Variants in EIF4G3 observed in about 807,000 individuals in gnomAD.
The protein encoded by EIF4G3 is eIF-4-gamma 3.
EIF4G3 carries 34 observed loss-of-function variants against 186.4 expected under a neutral mutation model. That is an observed-to-expected ratio of 0.18 (90% confidence interval 0.14 to 0.24). The LOEUF (loss-of-function observed/expected upper bound fraction) is 0.24. Ranked by LOEUF, EIF4G3 falls within the 10% of genes least tolerant of loss-of-function variation. The probability of loss-of-function intolerance (pLI) is 1.00; values close to 1 mark genes in which losing one functional copy is unlikely to be tolerated. For missense variants in EIF4G3, 1,536 were observed against 1,948.5 expected, an observed-to-expected ratio of 0.79 and a Z score of 3.99; for synonymous variants, 673 against 679.5, an observed-to-expected ratio of 0.99 and a Z score of 0.15.
intron 14 of EIF4G3, among the ~76,000 whole-genome samples, chr1:20,909,891 C>T (rs910054420): frequency 2.0e-5 from 3 of 151,180 alleles, no homozygotes; most frequent in Admixed American, 2.0e-4. Context: ...AAGTGATTCT[C>T]CCACCTCAGC....
chr1:20,930,859 T>C (rs1179168141), intron 14 of EIF4G3, among the ~76,000 whole-genome samples: 1 of 151,636 alleles, frequency 6.6e-6, no homozygotes, highest in Non-Finnish European at 1.5e-5. Flanking sequence ...GTCCCATGAA[T>C]TACAATTTTT....
chr1:20,943,972 T>TGTGTGTGTGTGTG lies in EIF4G3; in HGVS notation c.824-1643_824-1642insCACACACACACAC, dbSNP rs1558363073. Among the ~76,000 whole-genome samples, 29 of 44,840 alleles carry TGTGTGTGTGTGTG rather than the reference T, an allele frequency of 6.5e-4. 4 individuals carry two copies. Among genetic ancestry groups the TGTGTGTGTGTGTG allele is most frequent in the East Asian group, 1.9e-3 (4 of 2,144 alleles). The allele number at this position is 44,840 out of a possible 152,430, so 29.4% of individuals were successfully genotyped here. A position where few individuals can be genotyped will look rare whatever the true frequency, so the allele number is the denominator to read the frequency against. ...TTTCAGGAAAACTTGTCTTTATTTT[T>TGTGTGTGTGTGTG]TTTGTGTGTGTGTGTGTGTGTGTGT... is the stretch of plus-strand genomic sequence containing the variant. On this transcript the variant is annotated intron_variant, in intron 13 of 36. Coordinates refer to ENST00000602326, the MANE Select transcript of EIF4G3 (RefSeq NM_001391906.1).
At chr1:20,847,190 C>T (rs2071405909) in intron 29 of EIF4G3, among the ~76,000 whole-genome samples, 1 of 152,170 alleles carries the variant, frequency 6.6e-6, no homozygotes, top group Admixed American at 6.5e-5. Flanking sequence ...ATGATAATAA[C>T]ATCAACTTCA....
In EIF4G3 at chr1:20,807,508, G is replaced by C. The variant is rs1208056689; in HGVS notation, c.4745-8C>G. On this transcript the variant is annotated splice_polypyrimidine_tract_variant and splice_region_variant and intron_variant, in intron 36 of 36. Coordinates refer to ENST00000602326, the MANE Select transcript of EIF4G3 (RefSeq NM_001391906.1). ...AAAACATCCGCAGCAAATCTGCAAGGAGGTGAAAATAAACTATAAGCTTTG... is the reference window on the plus strand; with the variant it reads ...AAAACATCCGCAGCAAATCTGCAAGCAGGTGAAAATAAACTATAAGCTTTG... 1 of 1,577,088 alleles carries C rather than the reference G, an allele frequency of 6.3e-7. No homozygotes were observed.
intron 29 of EIF4G3, among the ~76,000 whole-genome samples, chr1:20,846,084 T>C (rs2154549803): frequency 6.6e-6 from 1 of 152,274 alleles, no homozygotes; most frequent in South Asian, 2.1e-4. Flanking sequence ...GGGAGTTCAC[T>C]GGAGATTTGG....
Position 20,855,013 on chromosome 1 carries a change from T to C in EIF4G3, c.3398A>G (p.Lys1133Arg). 1 of 1,613,776 alleles carries C rather than the reference T, an allele frequency of 6.2e-7. No individual in the cohort carries two copies. Among genetic ancestry groups the C allele is most frequent in the Non-Finnish European group, 8.5e-7 (1 of 1,179,776 alleles). The change falls in exon 26 of 37, where the codon AAA (lysine) becomes AGA (arginine). Residue 1133 changes from lysine to arginine, a missense_variant. Transcript: ENST00000602326. ...VPKAQLGSWG[K>R]GSSGGAKASE... Reference sequence around the variant, plus strand: ...TGCCTTTGCTCCACCACTGCTGCCTTTTCCCCAGCTGCCTAGCTGTGCTTT... The same window carrying C: ...TGCCTTTGCTCCACCACTGCTGCCTCTTCCCCAGCTGCCTAGCTGTGCTTT...
intron 2 of EIF4G3, among the ~76,000 whole-genome samples, chr1:21,157,786 A>G (rs970493374): frequency 1.3e-5 from 2 of 152,216 alleles, no homozygotes; most frequent in Non-Finnish European, 2.9e-5. Flanking sequence ...TATCAAAACA[A>G]TAACATTTCT....
chr1:20,841,183 T>C, intron 29 of EIF4G3, 155 bp from the exon 30 acceptor site: 1 of 686,120 alleles, frequency 1.5e-6, no homozygotes, highest in South Asian at 2.6e-5. Context: ...TTTAACATAA[T>C]TTATAGCTCA....
chr1:21,176,325 G>A lies in EIF4G3; in HGVS notation c.-422C>T, dbSNP rs1283388390. The A allele has an allele frequency of 1.2e-5, 3 of 259,522 alleles. No homozygotes were observed. The highest frequency in any genetic ancestry group is 2.1e-5 in the Non-Finnish European group (3 of 143,258). 16.1% of individuals were successfully genotyped at this position (259,522 alleles called of 1,614,324 possible). On this transcript the variant is annotated 5_prime_UTR_variant, in exon 2 of 37. Transcript: ENST00000602326. ...TGCTGCCGCCGCCGCCGCCGCTCCGGTGCCGGGTCCGGTTCCTGCTGCAGT... is the reference window on the plus strand; with the variant it reads ...TGCTGCCGCCGCCGCCGCCGCTCCGATGCCGGGTCCGGTTCCTGCTGCAGT...
At chr1:20,876,691 T>C (rs1034936376) in intron 20 of EIF4G3, among the ~76,000 whole-genome samples, 1 of 152,268 alleles carries the variant, frequency 6.6e-6, no homozygotes, top group African/African-American at 2.4e-5. Context: ...TAGGTTGTTA[T>C]CTTATAATTT....
chr1:21,151,427 A>T (rs1390750486), intron 2 of EIF4G3, among the ~76,000 whole-genome samples: 1 of 151,604 alleles, frequency 6.6e-6, no homozygotes, highest in Non-Finnish European at 1.5e-5. Flanking sequence ...TTTAGTACAG[A>T]TAGGGTTTCA....
At chr1:21,155,281 A>AG (rs1374292213) in intron 2 of EIF4G3, among the ~76,000 whole-genome samples, 3 of 150,418 alleles carry the variant, frequency 2.0e-5, no homozygotes, top group African/African-American at 7.4e-5. Context: ...AAAAAAAAAA[A>AG]AAAAAGAAAG....
intron 4 of EIF4G3, among the ~76,000 whole-genome samples, chr1:21,030,760 T>C (rs2092665748): frequency 1.3e-5 from 2 of 152,262 alleles, no homozygotes; most frequent in Admixed American, 1.3e-4. Flanking sequence ...GCAGAAACTA[T>C]GTTTCAAGTG....
chr1:21,094,660 T>C (rs2096306762), intron 2 of EIF4G3, among the ~76,000 whole-genome samples: 1 of 149,788 alleles, frequency 6.7e-6, no homozygotes. Context: ...TTAGGAGATA[T>C]ACCTAATGTA....
At chr1:20,807,549 G>C (rs1394428655) in intron 36 of EIF4G3, 49 bp from the exon 37 acceptor site, 1 of 1,421,672 alleles carries the variant, frequency 7.0e-7, no homozygotes, top group Non-Finnish European at 9.4e-7. Context: ...CTGTAGTTAT[G>C]AGGAAAAGAA....
At chr1:21,058,797 A>T (rs2094722153) in intron 3 of EIF4G3, among the ~76,000 whole-genome samples, 2 of 135,454 alleles carry the variant, frequency 1.5e-5, no homozygotes, top group African/African-American at 5.7e-5. Context: ...TCAAACTCTG[A>T]AACTCAAGTG....
At chr1:21,085,982 G>A (rs1306668302) in intron 3 of EIF4G3, among the ~76,000 whole-genome samples, 2 of 152,054 alleles carry the variant, frequency 1.3e-5, no homozygotes, top group Non-Finnish European at 2.9e-5. Flanking sequence ...GTAAGCCATC[G>A]CGCCTGGCCC....
intron 24 of EIF4G3, among the ~76,000 whole-genome samples, chr1:20,857,969 C>A (rs2075427251): frequency 1.3e-5 from 2 of 152,220 alleles, no homozygotes; most frequent in South Asian, 4.1e-4. Flanking sequence ...CTCTTTCACA[C>A]TTCACATCCA....
At chr1:20,881,513 A>G (rs190069191) in intron 19 of EIF4G3, among the ~76,000 whole-genome samples, 1 of 152,320 alleles carries the variant, frequency 6.6e-6, no homozygotes, top group East Asian at 1.9e-4. Flanking sequence ...CAGGCTAGGT[A>G]TGGTGGCTCA....
Sources: gnomAD v4.1 joint callset for allele counts (sites outside exome capture counted in the v4.1 genomes callset) on GRCh38, gnomAD v4.1.1 for gene constraint, MANE v1.5 for transcripts, NCBI Gene and HGNC (gene_info 2026-07-23, HGNC 2026-07-21) for gene names.